The following SLMAP variants were observed in gnomAD, a reference collection of about 807,000 sequenced individuals.
SLMAP encodes the protein sarcolemma associated protein, also known as sarcolemmal membrane-associated protein.
SLMAP carries 44 observed loss-of-function variants against 128.8 expected under a neutral mutation model. The ratio of observed to expected loss-of-function variants is 0.34; its 90% CI spans 0.27 to 0.44. SLMAP has a LOEUF of 0.44. SLMAP is among the 20% of genes least tolerant of loss of function. The probability of loss-of-function intolerance (pLI) is 1.00; values close to 1 mark genes in which losing one functional copy is unlikely to be tolerated. For synonymous variants in SLMAP, 327 were observed against 348.8 expected (o/e 0.94, Z 0.70); for missense variants, 787 against 985.3 (o/e 0.80, Z 2.69).
intron 15 of SLMAP, among the ~76,000 whole-genome samples, chr3:57,892,670 C>A (rs1461037277): frequency 6.6e-6 from 1 of 151,944 alleles, no homozygotes; most frequent in South Asian, 2.1e-4. Flanking sequence ...TCTGGCCAAC[C>A]TTGGTGACTC....
chr3:57,799,234 T>C (rs1367466253), intron 2 of SLMAP, among the ~76,000 whole-genome samples: 1 of 152,200 alleles, frequency 6.6e-6, no homozygotes, highest in Non-Finnish European at 1.5e-5. Flanking sequence ...ATAACTTTTG[T>C]TCATTAAATA....
At chr3:57,831,585 T>A in intron 3 of SLMAP, 55 bp downstream of exon 3, 1 of 1,214,396 alleles carries the variant, frequency 8.2e-7, no homozygotes, top group Non-Finnish European at 1.1e-6. Context: ...TATTTAATTT[T>A]TTATTATCTT....
Position 57,757,260 on chromosome 3 carries a change from C to G in SLMAP, c.-392C>G, listed in dbSNP as rs1395715415. 3.6e-6 allele frequency: 1 copy of G among 281,292 alleles called. No homozygotes were observed. Among genetic ancestry groups the G allele is most frequent in the Non-Finnish European group, 6.9e-6 (1 of 144,912 alleles). 17.4% of individuals were successfully genotyped at this position (281,292 alleles called of 1,614,324 possible). A position where few individuals can be genotyped will look rare whatever the true frequency, so the allele number is the denominator to read the frequency against. On this transcript the variant is annotated 5_prime_UTR_variant, in exon 2 of 25. Transcript: ENST00000671191. Reference sequence around the variant, plus strand: ...TCCGCCACCAAGGGGGAAAAGCGGCCGCGATCTCAAACCAAACACAAGAAT... The same window carrying G: ...TCCGCCACCAAGGGGGAAAAGCGGCGGCGATCTCAAACCAAACACAAGAAT...
intron 5 of SLMAP, among the ~76,000 whole-genome samples, chr3:57,847,789 A>T (rs887112887): frequency 1.3e-5 from 2 of 152,196 alleles, no homozygotes; most frequent in Non-Finnish European, 2.9e-5. Flanking sequence ...ACATCTTTTG[A>T]CATTAATGTG....
intron 14 of SLMAP, among the ~76,000 whole-genome samples, chr3:57,874,523 G>C (rs2095557914): frequency 6.6e-6 from 1 of 151,306 alleles, no homozygotes; most frequent in Non-Finnish European, 1.5e-5. Context: ...AAAATCACTC[G>C]AGCCTAAGGC....
At chr3:57,805,683 A>G (rs1560051667) in intron 2 of SLMAP, among the ~76,000 whole-genome samples, 1 of 152,138 alleles carries the variant, frequency 6.6e-6, no homozygotes, top group Admixed American at 6.5e-5. Context: ...GTCCCTGCCT[A>G]AACCCTATAG....
intron 6 of SLMAP, among the ~76,000 whole-genome samples, chr3:57,854,050 C>G (rs2094646212): frequency 1.1e-5 from 1 of 89,576 alleles, no homozygotes; most frequent in African/African-American, 4.1e-5. Context: ...TATATATACA[C>G]ATAACATATA....
intron 10 of SLMAP, among the ~76,000 whole-genome samples, chr3:57,862,638 C>CAAAAAA (rs752561093): frequency 1.9e-4 from 18 of 96,292 alleles, no homozygotes; most frequent in African/African-American, 5.0e-4. Context: ...CTTCGTCTCA[C>CAAAAAA]AAAAAAAAAA....
intron 2 of SLMAP, among the ~76,000 whole-genome samples, chr3:57,810,977 T>G (rs914505879): frequency 2.6e-5 from 4 of 152,222 alleles, no homozygotes; most frequent in Non-Finnish European, 5.9e-5. Flanking sequence ...AAATTCTGTT[T>G]ATATGCTGAC....
chr3:57,872,113 G>A (rs966435260), intron 14 of SLMAP, among the ~76,000 whole-genome samples: 2 of 152,158 alleles, frequency 1.3e-5, no homozygotes, highest in Admixed American at 6.6e-5. Context: ...CTGCCTATCC[G>A]TGGGAAGTTG....
Position 57,804,694 on chromosome 3 carries a change from A to G in SLMAP, c.199-26689A>G, listed in dbSNP as rs142688574. Among the ~76,000 whole-genome samples the G allele has an allele frequency of 1.2e-3, 177 of 152,302 alleles. 1 individual carries two copies. The highest frequency in any genetic ancestry group is 4.1e-3 in the African/African-American group (171 of 41,560). Reference sequence around the variant, plus strand: ...TGGGAGGTCGAGGCTGCAGTGAGCCATGATCATGTCACTACTTTCCAGCCT... The same window carrying G: ...TGGGAGGTCGAGGCTGCAGTGAGCCGTGATCATGTCACTACTTTCCAGCCT... On this transcript the variant is annotated intron_variant, in intron 2 of 24. Coordinates refer to ENST00000671191, the MANE Select transcript of SLMAP (RefSeq NM_001377540.1).
chr3:57,788,656 G>C (rs1349784701), intron 2 of SLMAP, among the ~76,000 whole-genome samples: 3 of 152,222 alleles, frequency 2.0e-5, no homozygotes, highest in African/African-American at 7.2e-5. Context: ...GATGAGGAGA[G>C]ATTAGATTTG....
chr3:57,869,641 T>TATATATATATATATATA (rs2095427958), intron 13 of SLMAP, among the ~76,000 whole-genome samples: 1 of 127,622 alleles, frequency 7.8e-6, no homozygotes, highest in African/African-American at 3.2e-5. Context: ...TATATATATA[T>TATATATATATATATATA]ATATATATAT....
At chr3:57,908,368 T>C (rs1391789066) in intron 18 of SLMAP, among the ~76,000 whole-genome samples, 14 of 152,258 alleles carry the variant, frequency 9.2e-5, no homozygotes. Context: ...AGCTCACTTA[T>C]CTATAGGTCA....
intron 5 of SLMAP, among the ~76,000 whole-genome samples, chr3:57,848,592 T>C (rs1368685150): frequency 7.0e-6 from 1 of 142,350 alleles, no homozygotes; most frequent in African/African-American, 2.6e-5. Context: ...CTCCCTCCTC[T>C]TCCTCCTTCC....
At chr3:57,906,882 A>C (rs1403674368) in intron 17 of SLMAP, among the ~76,000 whole-genome samples, 2 of 151,854 alleles carry the variant, frequency 1.3e-5, no homozygotes, top group African/African-American at 4.8e-5. Context: ...AGAAGGTTTT[A>C]AAAAATTAAA....
At chr3:57,896,042 TAAGA>T (rs2096238167) in intron 15 of SLMAP, among the ~76,000 whole-genome samples, 1 of 122,850 alleles carries the variant, frequency 8.1e-6, no homozygotes. Flanking sequence ...CACTTTTTTA[TAAGA>T]ACTGATCGTG....
intron 3 of SLMAP, among the ~76,000 whole-genome samples, chr3:57,835,069 C>T (rs781774279): frequency 9.9e-5 from 14 of 141,080 alleles, no homozygotes; most frequent in Non-Finnish European, 1.5e-5. Flanking sequence ...TTGCAGTGAG[C>T]CATGACCGCA....
chr3:57,912,566 G>A lies in SLMAP; in HGVS notation c.1885G>A (p.Val629Met), dbSNP rs1476559056. Reference sequence around the variant, plus strand: ...TTCTTTACAAGAAGAGCTTAAGAAGGTGAGAGCTGAGCTTGAGCGGTGGCG... The same window carrying A: ...TTCTTTACAAGAAGAGCTTAAGAAGATGAGAGCTGAGCTTGAGCGGTGGCG... ...IASLQEELKK[V>M]RAELERWRKA... is the part of the protein sequence containing the mutation. The change falls in exon 20 of 25, where the codon GTG becomes ATG. Residue 629 changes from valine to methionine, a missense_variant. Physicochemically the swap from Val to Met is conservative, Grantham distance 21. Coordinates refer to ENST00000671191, the MANE Select transcript of SLMAP (RefSeq NM_001377540.1). 4 of 1,614,174 alleles carry A rather than the reference G, an allele frequency of 2.5e-6. No homozygotes were observed. In the South Asian group the frequency reaches 4.4e-5, roughly 18 times the overall value.
Sources: gnomAD v4.1 joint callset for allele counts (sites outside exome capture counted in the v4.1 genomes callset) on GRCh38, gnomAD v4.1.1 for gene constraint, MANE v1.5 for transcripts, NCBI Gene and HGNC (gene_info 2026-07-23, HGNC 2026-07-21) for gene names.